Variants in SNX18 observed in about 807,000 individuals in gnomAD.
SNX18 encodes the protein sorting nexin 18, also known as sorting nexin-18.
In SNX18, 35 loss-of-function variants were observed where a neutral mutation model predicts 48.7. The observed-to-expected ratio is 0.72, with a 90% CI of 0.55 to 0.95. The LOEUF (loss-of-function observed/expected upper bound fraction) is 0.95. Among genes scored for constraint, SNX18 ranks in the 40% least tolerant of loss-of-function variants. SNX18 has a pLI of 0.00. For synonymous variants in SNX18, 492 were observed against 384.7 expected (o/e 1.28, Z -3.26); for missense variants, 824 against 871.0 (o/e 0.95, Z 0.68).
chr5:54,538,596 A>C (rs187646795), intron 1 of SNX18, among the ~76,000 whole-genome samples: 1 of 152,316 alleles, frequency 6.6e-6, no homozygotes. Context: ...TTTTTTAAAA[A>C]ACAAATTACT....
the SNX18 span, among the ~76,000 whole-genome samples, chr5:54,637,799 G>A: frequency 6.6e-6 from 1 of 152,084 alleles, no homozygotes; most frequent in East Asian, 1.9e-4. Flanking sequence ...CCTCTGGAGG[G>A]GCCATACTCT....
the SNX18 span, among the ~76,000 whole-genome samples, chr5:54,619,355 A>G: frequency 6.6e-6 from 1 of 152,148 alleles, no homozygotes; most frequent in South Asian, 2.1e-4. Context: ...TACAAAAAAT[A>G]CAAAAATTAG....
At chr5:54,632,268 G>T in the SNX18 span, among the ~76,000 whole-genome samples, 1 of 152,178 alleles carries the variant, frequency 6.6e-6, no homozygotes, top group Non-Finnish European at 1.5e-5. Context: ...AGACGCCAGG[G>T]GAGTGGATCC....
chr5:54,599,359 G>A, the SNX18 span, among the ~76,000 whole-genome samples: 4 of 152,172 alleles, frequency 2.6e-5, no homozygotes, highest in South Asian at 6.2e-4. Context: ...AAAATATTCC[G>A]TGCTCATGGA....
the SNX18 span, among the ~76,000 whole-genome samples, chr5:54,572,585 A>G: frequency 4.1e-4 from 62 of 151,862 alleles, 1 homozygote; most frequent in Non-Finnish European, 1.5e-5. Flanking sequence ...TTGATATTCT[A>G]CCAGCAAGAA....
chr5:54,530,770 T>TTTTTTTTTTTTTTTA (rs1762240899), intron 1 of SNX18, among the ~76,000 whole-genome samples: 1 of 92,050 alleles, frequency 1.1e-5, no homozygotes, highest in Non-Finnish European at 2.2e-5. Flanking sequence ...TTTTTTTTTT[T>TTTTTTTTTTTTTTTA]GAGACAGTTT....
the SNX18 span, among the ~76,000 whole-genome samples, chr5:54,581,679 G>T: frequency 5.9e-5 from 9 of 152,162 alleles, no homozygotes; most frequent in Admixed American, 3.3e-4. Flanking sequence ...AGCGAATGTA[G>T]CAAAGACTAA....
the SNX18 span, among the ~76,000 whole-genome samples, chr5:54,634,558 CTTAGTG>C: frequency 6.6e-6 from 1 of 151,838 alleles, no homozygotes; most frequent in South Asian, 2.1e-4. Context: ...ATCAGCGATC[CTTAGTG>C]TTAATGTATT....
At chr5:54,568,474 A>C in the SNX18 span, among the ~76,000 whole-genome samples, 1 of 152,086 alleles carries the variant, frequency 6.6e-6, no homozygotes, top group Non-Finnish European at 1.5e-5. Context: ...GGGAACCCCT[A>C]CTTGACTCAT....
rs980891325 is a variant in SNX18, at chr5:54,544,336, T to C, written c.*904T>C. ...GAATCATTGACAACACACACTTGGCTTTAGTTCTTAGGAGGGTTTTGTTTT... is the reference window on the plus strand; with the variant it reads ...GAATCATTGACAACACACACTTGGCCTTAGTTCTTAGGAGGGTTTTGTTTT... On this transcript the variant is annotated 3_prime_UTR_variant, in exon 2 of 2. Transcript: ENST00000381410. 1.6e-4 allele frequency: 24 copies of C among 152,184 alleles called. No individual in the cohort carries two copies. The highest frequency in any genetic ancestry group is 5.3e-4 in the African/African-American group (22 of 41,536). 9.4% of individuals were successfully genotyped at this position (152,184 alleles called of 1,614,324 possible). A position where few individuals can be genotyped will look rare whatever the true frequency, so the allele number is the denominator to read the frequency against.
the SNX18 span, among the ~76,000 whole-genome samples, chr5:54,582,062 C>T: frequency 1.4e-4 from 21 of 152,340 alleles, no homozygotes; most frequent in Non-Finnish European, 2.5e-4. Flanking sequence ...CGCCTCTATA[C>T]CCTGGCAAGG....
chr5:54,527,360 G>GT, intron 1 of SNX18, among the ~76,000 whole-genome samples: 1 of 75,998 alleles, frequency 1.3e-5, no homozygotes, highest in Non-Finnish European at 2.6e-5. Context: ...CGGGGAGCCG[G>GT]GGGGGGGGGT....
the SNX18 span, among the ~76,000 whole-genome samples, chr5:54,566,235 A>G: frequency 1.3e-5 from 2 of 152,222 alleles, no homozygotes; most frequent in Non-Finnish European, 2.9e-5. Flanking sequence ...TTGATGTCCA[A>G]TATAAACAGC....
At chr5:54,585,992 G>A in the SNX18 span, among the ~76,000 whole-genome samples, 3 of 145,654 alleles carry the variant, frequency 2.1e-5, no homozygotes, top group African/African-American at 7.7e-5. Flanking sequence ...GCGACGGAGC[G>A]AGACTCCGTC....
the SNX18 span, among the ~76,000 whole-genome samples, chr5:54,564,118 TA>T: frequency 6.6e-6 from 1 of 151,850 alleles, no homozygotes; most frequent in Admixed American, 6.6e-5. Context: ...TCAAAAAAAT[TA>T]GCCAGGCGTG....
At chr5:54,573,489 A>G in the SNX18 span, among the ~76,000 whole-genome samples, 3 of 152,282 alleles carry the variant, frequency 2.0e-5, no homozygotes, top group East Asian at 5.8e-4. Flanking sequence ...TGTTCTGGGA[A>G]GAGGCAGTTT....
chr5:54,582,262 A>G, the SNX18 span, among the ~76,000 whole-genome samples: 3 of 152,186 alleles, frequency 2.0e-5, no homozygotes, highest in Non-Finnish European at 2.9e-5. Context: ...TTTTTCCTCT[A>G]TTATATTTCT....
intron 1 of SNX18, among the ~76,000 whole-genome samples, chr5:54,539,373 A>G (rs1233950160): frequency 6.6e-6 from 1 of 152,222 alleles, no homozygotes; most frequent in Non-Finnish European, 1.5e-5. Flanking sequence ...TGAAGATTAG[A>G]AACAGTAGAT....
chr5:54,597,017 A>G, the SNX18 span, among the ~76,000 whole-genome samples: 1 of 152,358 alleles, frequency 6.6e-6, no homozygotes, highest in South Asian at 2.1e-4. Flanking sequence ...CCCATCTCAC[A>G]TGCAAGGGCA....
Sources: allele counts gnomAD v4.1 joint callset (sites outside exome capture counted in the v4.1 genomes callset), GRCh38; gene constraint gnomAD v4.1.1; transcripts MANE v1.5; gene names NCBI Gene and HGNC (gene_info 2026-07-23, HGNC 2026-07-21).